The following MAPK10 variants were observed in gnomAD, a reference collection of about 807,000 sequenced individuals.
The protein encoded by MAPK10 is mitogen-activated protein kinase 10, also known as JNK3 alpha protein kinase.
Under a neutral mutation model 59.3 loss-of-function variants are expected in MAPK10, and 25 were observed. That is an observed-to-expected ratio of 0.42 (90% CI 0.31 to 0.59). The LOEUF (loss-of-function observed/expected upper bound fraction) is 0.59. Among genes scored for constraint, MAPK10 ranks in the 20% least tolerant of loss-of-function variants. The pLI is 0.15. For missense variants in MAPK10, 351 were observed against 568.9 expected (o/e 0.62, Z 3.90); for synonymous variants, 190 against 200.5 (o/e 0.95, Z 0.44).
At chr4:86,359,287 T>TCTCTCTCTCTCTCTCTCC (rs1173944873) in intron 1 of MAPK10, among the ~76,000 whole-genome samples, 12 of 128,472 alleles carry the variant, frequency 9.3e-5, no homozygotes, top group African/African-American at 4.1e-4. Flanking sequence ...TCTCTCTCTC[T>TCTCTCTCTCTCTCTCTCC]CTGTGTGTGT....
rs1348843610 is a variant in MAPK10, at chr4:86,017,153, G to C, written c.*75C>G. ...GTTGTGTGTCTGCATTTGTGTGTGT[G>C]TGTGTGTCTGCGTGTGTGTGTGTTC... On this transcript the variant is annotated 3_prime_UTR_variant, in exon 14 of 14. Coordinates refer to ENST00000641462, the MANE Select transcript of MAPK10 (RefSeq NM_138982.4). This position sits in a 1 kb window ranked among gnomAD's most constrained non-coding sequence, Gnocchi z 4.4. 4 of 1,451,564 alleles carry C rather than the reference G, an allele frequency of 2.8e-6. No individual in the cohort carries two copies. The highest frequency in any genetic ancestry group is 3.8e-6 in the Non-Finnish European group (4 of 1,049,734). The allele number at this position is 1,451,564 out of a possible 1,614,324, so 89.9% of individuals were successfully genotyped here.
chr4:86,232,672 C>G (rs1334402809), intron 2 of MAPK10, among the ~76,000 whole-genome samples: 1 of 152,170 alleles, frequency 6.6e-6, no homozygotes, highest in African/African-American at 2.4e-5. Context: ...CACGCCCGGC[C>G]TAGAGTCAAT....
At chr4:86,469,074 T>C (rs1396597347) in intron 1 of MAPK10, among the ~76,000 whole-genome samples, 2 of 152,032 alleles carry the variant, frequency 1.3e-5, no homozygotes, top group Non-Finnish European at 2.9e-5. Context: ...GTTATGTGGC[T>C]TGTTATGAAG....
At chr4:86,329,084 A>G (rs1254235627) in intron 2 of MAPK10, among the ~76,000 whole-genome samples, 1 of 152,190 alleles carries the variant, frequency 6.6e-6, no homozygotes, top group Admixed American at 6.6e-5. Context: ...CTTCTATGTG[A>G]GGACTCAGCA....
chr4:86,056,049 A>T (rs1325566188), intron 11 of MAPK10, among the ~76,000 whole-genome samples: 1 of 150,080 alleles, frequency 6.7e-6, no homozygotes, highest in African/African-American at 2.5e-5. Flanking sequence ...TCTTGAGGAC[A>T]TGCCCTAACC....
intron 2 of MAPK10, among the ~76,000 whole-genome samples, chr4:86,305,966 A>C (rs2095560399): frequency 6.6e-6 from 1 of 152,216 alleles, no homozygotes; most frequent in Admixed American, 6.5e-5. Context: ...CTGGCAAATA[A>C]AGAAATAGAT....
At chr4:86,309,139 T>C (rs1169533760) in intron 2 of MAPK10, among the ~76,000 whole-genome samples, 2 of 152,230 alleles carry the variant, frequency 1.3e-5, no homozygotes, top group Non-Finnish European at 2.9e-5. Context: ...CTGGCACTGA[T>C]ATCTTGCCCC....
intron 1 of MAPK10, among the ~76,000 whole-genome samples, chr4:86,532,564 G>T (rs1470332670): frequency 1.3e-5 from 2 of 152,110 alleles, no homozygotes; most frequent in Admixed American, 6.5e-5. Context: ...CATTGTTCCA[G>T]TCCTCTCTTC....
At chr4:86,358,007 A>AT in intron 1 of MAPK10, 1 of 927,668 alleles carries the variant, frequency 1.1e-6, no homozygotes, top group Non-Finnish European at 1.3e-6. Flanking sequence ...TTTGCTCCAC[A>AT]TAAGAAAATA....
chr4:86,171,229 C>A (rs1029242347), intron 3 of MAPK10, among the ~76,000 whole-genome samples: 1 of 151,882 alleles, frequency 6.6e-6, no homozygotes, highest in African/African-American at 2.4e-5. Flanking sequence ...AAAATCAGAG[C>A]AGAACTGAAG....
chr4:86,477,068 A>T (rs1038312204), intron 1 of MAPK10, among the ~76,000 whole-genome samples: 2 of 152,142 alleles, frequency 1.3e-5, no homozygotes, highest in Non-Finnish European at 2.9e-5. Flanking sequence ...GAAGACTGAC[A>T]CTGCCCGATT....
intron 12 of MAPK10, among the ~76,000 whole-genome samples, chr4:86,030,751 C>G (rs1221044001): frequency 1.3e-5 from 2 of 152,132 alleles, no homozygotes. Flanking sequence ...TTAATTCCTG[C>G]AAGGTAGCTC....
At chr4:86,512,968 C>T in intron 1 of MAPK10, among the ~76,000 whole-genome samples, 1 of 152,226 alleles carries the variant, frequency 6.6e-6, no homozygotes, top group Admixed American at 6.5e-5. Context: ...TTAATGCCCA[C>T]CTTTTTCACT....
intron 4 of MAPK10, among the ~76,000 whole-genome samples, chr4:86,158,716 C>G (rs763185070): frequency 1.3e-5 from 2 of 151,742 alleles, no homozygotes; most frequent in Non-Finnish European, 2.9e-5. Flanking sequence ...TTAGGTAAAT[C>G]AGATCTAGAT....
At position 86,048,191 on chromosome 4, in the gene MAPK10, T is replaced by G. The variant is rs2042864010; in HGVS notation, c.1110+16075A>C. Among the ~76,000 whole-genome samples, 5 of 152,076 alleles carry G rather than the reference T, an allele frequency of 3.3e-5. No homozygotes were observed. The South Asian group carries it at 1.0e-3, about 31-fold the overall frequency. On this transcript the variant is annotated intron_variant, in intron 11 of 13. Coordinates refer to ENST00000641462, the MANE Select transcript of MAPK10 (RefSeq NM_138982.4). ...CCATACACTATGCACCTGCCATTAC[T>G]CTCACTGTTTTCTCTGCACTCGGTA...
intron 2 of MAPK10, among the ~76,000 whole-genome samples, chr4:86,351,617 T>A (rs1731547980): frequency 6.6e-6 from 1 of 152,058 alleles, no homozygotes; most frequent in Admixed American, 6.6e-5. Flanking sequence ...ACCTTAGATG[T>A]TCTCCCTGGT....
chr4:86,592,319 A>G (rs535996640), intron 1 of MAPK10, among the ~76,000 whole-genome samples: 1 of 152,066 alleles, frequency 6.6e-6, no homozygotes, highest in Non-Finnish European at 1.5e-5. Context: ...TTACTGGTGA[A>G]AATGCCTTGA....
chr4:86,150,268 C>T (rs551466409), intron 4 of MAPK10, among the ~76,000 whole-genome samples: 5 of 152,240 alleles, frequency 3.3e-5, no homozygotes, highest in African/African-American at 9.6e-5. Flanking sequence ...AGGCATACAG[C>T]GTGATACAAT....
chr4:86,094,342 A>G (rs940442172), intron 9 of MAPK10, among the ~76,000 whole-genome samples: 1 of 151,926 alleles, frequency 6.6e-6, no homozygotes, highest in Non-Finnish European at 1.5e-5. Flanking sequence ...TCTAACTGCA[A>G]TTTCCTGTTC....
Sources: allele counts gnomAD v4.1 joint callset (sites outside exome capture counted in the v4.1 genomes callset), GRCh38; gene constraint gnomAD v4.1.1; non-coding constraint Gnocchi (gnomAD v3.1); transcripts MANE v1.5; gene names NCBI Gene and HGNC (gene_info 2026-07-23, HGNC 2026-07-21).